The following BCKDHB variants were observed in gnomAD, a reference collection of about 807,000 sequenced individuals.
BCKDHB encodes branched chain keto acid dehydrogenase E1 subunit beta.
Under a neutral mutation model 48.5 loss-of-function variants are expected in BCKDHB, and 41 were observed. The observed-to-expected ratio is 0.85, with a 90% confidence interval of 0.66 to 1.10. BCKDHB has a LOEUF of 1.10. Among genes scored for constraint, BCKDHB ranks in the 50% least tolerant of loss-of-function variants. BCKDHB has a pLI of 0.00. For missense variants in BCKDHB, 496 were observed against 494.2 expected (o/e 1.00, Z -0.03); for synonymous variants, 201 against 174.8 (o/e 1.15, Z -1.18).
At chr6:80,352,710 A>T in the BCKDHB span, among the ~76,000 whole-genome samples, 1 of 152,208 alleles carries the variant, frequency 6.6e-6, no homozygotes, top group East Asian at 1.9e-4. Context: ...TCAATTTTTT[A>T]AAATATGTGA....
downstream of BCKDHB, among the ~76,000 whole-genome samples, chr6:80,351,112 T>C (rs1770381781): frequency 6.6e-6 from 1 of 152,210 alleles, no homozygotes; most frequent in African/African-American, 2.4e-5. Context: ...TTCTTATTTA[T>C]TACATCAGAC....
chr6:80,448,171 C>T, the BCKDHB span, among the ~76,000 whole-genome samples: 1 of 152,030 alleles, frequency 6.6e-6, no homozygotes, highest in Non-Finnish European at 1.5e-5. Context: ...AGGATGATAG[C>T]AAAGTCCCTG....
At chr6:80,372,970 A>T in the BCKDHB span, among the ~76,000 whole-genome samples, 1 of 152,184 alleles carries the variant, frequency 6.6e-6, no homozygotes, top group African/African-American at 2.4e-5. Flanking sequence ...TCATAGAATG[A>T]TTTAGGGAGG....
the BCKDHB span, among the ~76,000 whole-genome samples, chr6:80,439,825 G>A: frequency 2.2e-4 from 34 of 152,312 alleles, no homozygotes; most frequent in African/African-American, 7.2e-4. Flanking sequence ...TTAGACTTAA[G>A]TCTGTACTAG....
chr6:80,411,829 GT>G, the BCKDHB span, among the ~76,000 whole-genome samples: 1 of 152,218 alleles, frequency 6.6e-6, no homozygotes, highest in Non-Finnish European at 1.5e-5. Flanking sequence ...AAAGCGCAGT[GT>G]TTAGGCAGAA....
intron 8 of BCKDHB, among the ~76,000 whole-genome samples, chr6:80,242,183 T>C (rs1337198458): frequency 6.6e-6 from 1 of 152,196 alleles, no homozygotes; most frequent in Non-Finnish European, 1.5e-5. Context: ...AAGTTTTACC[T>C]TTCAAACTTA....
the BCKDHB span, among the ~76,000 whole-genome samples, chr6:80,450,725 G>A: frequency 6.6e-6 from 1 of 152,166 alleles, no homozygotes; most frequent in East Asian, 1.9e-4. Context: ...GAGCTTTTAG[G>A]AACGGTGTTT....
intron 8 of BCKDHB, among the ~76,000 whole-genome samples, chr6:80,233,996 A>C (rs1776040841): frequency 6.6e-6 from 1 of 152,150 alleles, no homozygotes; most frequent in African/African-American, 2.4e-5. Context: ...TCTACCTCAG[A>C]TCACCAGGCA....
At chr6:80,191,135 TC>T (rs1773874163) in intron 6 of BCKDHB, among the ~76,000 whole-genome samples, 1 of 152,160 alleles carries the variant, frequency 6.6e-6, no homozygotes, top group African/African-American at 2.4e-5. Flanking sequence ...TGTAACAGAT[TC>T]CCTGAATTAA....
intron 8 of BCKDHB, among the ~76,000 whole-genome samples, chr6:80,248,550 C>T (rs1233489870): frequency 1.3e-5 from 2 of 152,040 alleles, no homozygotes; most frequent in African/African-American, 4.8e-5. Context: ...CCCAGAATGC[C>T]CAGGCTTCTG....
intron 8 of BCKDHB, among the ~76,000 whole-genome samples, chr6:80,255,625 A>G (rs1415053504): frequency 6.6e-6 from 1 of 152,156 alleles, no homozygotes; most frequent in Non-Finnish European, 1.5e-5. Flanking sequence ...TCCTTGTTAT[A>G]GGGATCATAC....
intron 1 of BCKDHB, among the ~76,000 whole-genome samples, chr6:80,122,664 C>T (rs1664895085): frequency 6.6e-6 from 1 of 152,154 alleles, no homozygotes; most frequent in Non-Finnish European, 1.5e-5. Flanking sequence ...AGATCACATG[C>T]TTCAAAGGGC....
chr6:80,111,185 T>A (rs1769390055), intron 1 of BCKDHB, among the ~76,000 whole-genome samples: 1 of 152,216 alleles, frequency 6.6e-6, no homozygotes, highest in African/African-American at 2.4e-5. Context: ...GGAGGAAAGT[T>A]TTCCTACATA....
chr6:80,356,021 A>G, the BCKDHB span: 1 of 152,224 alleles, frequency 6.6e-6, no homozygotes, highest in African/African-American at 2.4e-5. Flanking sequence ...CATCTCATCA[A>G]TATTTGGTGA....
chr6:80,191,932 TG>T (rs1054630188), intron 6 of BCKDHB, among the ~76,000 whole-genome samples: 3 of 152,164 alleles, frequency 2.0e-5, no homozygotes, highest in African/African-American at 7.2e-5. Flanking sequence ...GCTGCATCAC[TG>T]ATGTGCTTGG....
At position 80,168,921 on chromosome 6, in the gene BCKDHB, T is replaced by A; in HGVS notation, c.524T>A (p.Phe175Tyr). Residue 175 changes from phenylalanine to tyrosine, a missense_variant, in exon 5 of 10, where the codon TTT becomes TAT. Physicochemically the swap from Phe to Tyr is conservative, Grantham distance 22. Transcript: ENST00000320393. ...TATCGCTATCGCTCTGGGGATCTTT[T>A]TAACTGTGGAAGCCTCACTATCCGG... Reference protein sequence around the residue: ...AKYRYRSGDLFNCGSLTIRSP... With the variant: ...AKYRYRSGDLYNCGSLTIRSP... 1 of 1,614,180 alleles carries A rather than the reference T, an allele frequency of 6.2e-7. No individual in the cohort carries two copies. The highest frequency in any genetic ancestry group is 8.5e-7 in the Non-Finnish European group (1 of 1,180,008).
intron 9 of BCKDHB, among the ~76,000 whole-genome samples, chr6:80,283,856 A>T (rs932649396): frequency 5.9e-5 from 9 of 152,126 alleles, no homozygotes; most frequent in Non-Finnish European, 1.2e-4. Context: ...AAAATTTTAT[A>T]CATGAAAGAC....
intron 8 of BCKDHB, among the ~76,000 whole-genome samples, chr6:80,254,598 G>C (rs781092724): frequency 1.1e-4 from 16 of 152,098 alleles, no homozygotes; most frequent in Non-Finnish European, 2.1e-4. Context: ...TACTCTGTAG[G>C]TTGAGGCTGG....
At chr6:80,160,876 T>C (rs763508399) in intron 3 of BCKDHB, among the ~76,000 whole-genome samples, 1 of 152,250 alleles carries the variant, frequency 6.6e-6, no homozygotes, top group Non-Finnish European at 1.5e-5. Flanking sequence ...TGGCATGTTA[T>C]AGAAATATTT....
Sources: allele counts gnomAD v4.1 joint callset (sites outside exome capture counted in the v4.1 genomes callset), GRCh38; gene constraint gnomAD v4.1.1; transcripts MANE v1.5; gene names NCBI Gene and HGNC (gene_info 2026-07-23, HGNC 2026-07-21).